Variants in FSTL5 observed in about 807,000 individuals in gnomAD.
FSTL5 encodes follistatin like 5.
In FSTL5, 62 loss-of-function variants were observed where a neutral mutation model predicts 89.1. That is an observed-to-expected ratio of 0.70 (90% confidence interval 0.57 to 0.86). The LOEUF is 0.86. Among genes scored for constraint, FSTL5 ranks in the 40% least tolerant of loss-of-function variants. The pLI is 0.00. For synonymous variants in FSTL5, 383 were observed against 346.2 expected, an observed-to-expected ratio of 1.11 and a Z score of -1.18; for missense variants, 1,057 against 1,001.6, an observed-to-expected ratio of 1.06 and a Z score of -0.75.
chr4:161,534,744 C>T (rs766058883), intron 10 of FSTL5, among the ~76,000 whole-genome samples: 28 of 151,930 alleles, frequency 1.8e-4, no homozygotes, highest in Non-Finnish European at 4.4e-5. Context: ...TCATTTGGAA[C>T]CAAAAGAGAG....
At chr4:161,892,916 A>T (rs1167874321) in intron 4 of FSTL5, among the ~76,000 whole-genome samples, 1 of 152,140 alleles carries the variant, frequency 6.6e-6, no homozygotes, top group Non-Finnish European at 1.5e-5. Flanking sequence ...AATATTTGCC[A>T]TAATGTTGTA....
chr4:162,042,958 A>AG (rs1415189935), intron 2 of FSTL5, among the ~76,000 whole-genome samples: 1 of 69,158 alleles, frequency 1.4e-5, no homozygotes, highest in East Asian at 5.1e-4. Flanking sequence ...GGGTGGGGGG[A>AG]GGGGGGAGGG....
intron 4 of FSTL5, among the ~76,000 whole-genome samples, chr4:161,802,762 GAAAAA>G (rs1038726286): frequency 6.6e-6 from 1 of 151,586 alleles, no homozygotes; most frequent in South Asian, 2.1e-4. Context: ...TAACAAGATT[GAAAAA>G]AATTACTCTG....
At chr4:161,457,011 T>C (rs946936885) in intron 14 of FSTL5, among the ~76,000 whole-genome samples, 12 of 152,178 alleles carry the variant, frequency 7.9e-5, no homozygotes, top group African/African-American at 2.7e-4. Context: ...AGGGTCCCAC[T>C]TCTTTCGTGC....
intron 6 of FSTL5, among the ~76,000 whole-genome samples, chr4:161,661,086 T>C (rs766362933): frequency 2.0e-5 from 3 of 152,190 alleles, no homozygotes; most frequent in Non-Finnish European, 2.9e-5. Flanking sequence ...TGACCTCATA[T>C]TATGTGATTT....
At chr4:161,737,322 C>A (rs1345531111) in intron 6 of FSTL5, among the ~76,000 whole-genome samples, 4 of 151,848 alleles carry the variant, frequency 2.6e-5, no homozygotes, top group Admixed American at 2.6e-4. Context: ...CCATTGTGGT[C>A]TCGTACTGAG....
At chr4:161,736,529 T>G (rs1411888845) in intron 6 of FSTL5, among the ~76,000 whole-genome samples, 2 of 152,128 alleles carry the variant, frequency 1.3e-5, no homozygotes, top group Non-Finnish European at 2.9e-5. Flanking sequence ...ATTTTAGTAT[T>G]GGATAATCAA....
chr4:162,158,391 T>C (rs1733565336), intron 1 of FSTL5, among the ~76,000 whole-genome samples: 2 of 152,204 alleles, frequency 1.3e-5, no homozygotes, highest in Admixed American at 6.6e-5. Flanking sequence ...TTAAGGTCTT[T>C]GGTATTATGT....
chr4:161,933,847 T>C (rs1023413673), intron 3 of FSTL5, among the ~76,000 whole-genome samples: 1 of 151,716 alleles, frequency 6.6e-6, no homozygotes, highest in African/African-American at 2.4e-5. Context: ...ATTTTTAAAT[T>C]ATTATTTACC....
intron 3 of FSTL5, among the ~76,000 whole-genome samples, chr4:161,952,948 C>G (rs1394836929): frequency 1.3e-5 from 2 of 151,712 alleles, no homozygotes; most frequent in Non-Finnish European, 3.0e-5. Context: ...GTGTAGAGAA[C>G]TAAGCATACA....
intron 1 of FSTL5, among the ~76,000 whole-genome samples, chr4:162,160,147 C>T (rs556435016): frequency 4.5e-4 from 54 of 121,308 alleles, no homozygotes; most frequent in Admixed American, 1.1e-3. Flanking sequence ...TTCATACACA[C>T]GTATATACAT....
At chr4:161,884,686 G>T (rs747182772) in intron 4 of FSTL5, among the ~76,000 whole-genome samples, 2 of 152,132 alleles carry the variant, frequency 1.3e-5, no homozygotes, top group Non-Finnish European at 2.9e-5. Flanking sequence ...GACTGTTGAT[G>T]TGAAACTATA....
intron 8 of FSTL5, among the ~76,000 whole-genome samples, chr4:161,586,283 G>C (rs1232693883): frequency 3.9e-5 from 6 of 151,988 alleles, no homozygotes; most frequent in Non-Finnish European, 7.4e-5. Flanking sequence ...ACAACTTTGG[G>C]CTTTCATGTT....
At chr4:161,783,855 C>A (rs1741785910) in intron 4 of FSTL5, among the ~76,000 whole-genome samples, 1 of 148,634 alleles carries the variant, frequency 6.7e-6, no homozygotes, top group Non-Finnish European at 1.5e-5. Context: ...AACCTCTGCC[C>A]CTTGGGTTCA....
At chr4:161,828,414 T>C (rs1282559686) in intron 4 of FSTL5, among the ~76,000 whole-genome samples, 2 of 152,192 alleles carry the variant, frequency 1.3e-5, no homozygotes, top group Admixed American at 6.5e-5. Context: ...AAGTTCTAGA[T>C]GTATGTGTTT....
intron 6 of FSTL5, among the ~76,000 whole-genome samples, chr4:161,741,070 C>T (rs1740010135): frequency 1.3e-5 from 2 of 152,198 alleles, no homozygotes; most frequent in Admixed American, 1.3e-4. Flanking sequence ...CTCCTATTGT[C>T]ATCACACTGA....
At chr4:161,906,824 T>G (rs934113878) in intron 4 of FSTL5, among the ~76,000 whole-genome samples, 1 of 152,128 alleles carries the variant, frequency 6.6e-6, no homozygotes, top group Non-Finnish European at 1.5e-5. Context: ...TAGAATTACA[T>G]GGAAAGGGCA....
In FSTL5 at chr4:161,528,891, T is replaced by C. The variant is rs1178994055; in HGVS notation, c.1312+9275A>G. ...ATTTTTAAGTTCAATAGAGACTGTA[T>C]ACTCAGCACTGTCACTATATGTTAA... is the stretch of plus-strand genomic sequence containing the variant. On this transcript the variant is annotated intron_variant, in intron 10 of 15. Transcript: ENST00000306100. Among the ~76,000 whole-genome samples, 2 of 143,260 alleles carry C rather than the reference T, an allele frequency of 1.4e-5. 1 individual carries two copies. The highest frequency in any genetic ancestry group is 4.8e-4 in the South Asian group (2 of 4,128). 94.0% of individuals were successfully genotyped at this position (143,260 alleles called of 152,430 possible). A position where few individuals can be genotyped will look rare whatever the true frequency, so the allele number is the denominator to read the frequency against.
At chr4:161,418,743 C>G (rs1318515519) in intron 15 of FSTL5, among the ~76,000 whole-genome samples, 4 of 151,946 alleles carry the variant, frequency 2.6e-5, no homozygotes, top group Non-Finnish European at 4.4e-5. Flanking sequence ...TCACAATTTC[C>G]AAGAACCTAT....
Sources: gnomAD v4.1 joint callset for allele counts (sites outside exome capture counted in the v4.1 genomes callset) on GRCh38, gnomAD v4.1.1 for gene constraint, MANE v1.5 for transcripts, NCBI Gene and HGNC (gene_info 2026-07-23, HGNC 2026-07-21) for gene names.